METTL22: variants seen among roughly 807,000 people sequenced by gnomAD.
The protein encoded by METTL22 is methyltransferase 22, Kin17 lysine.
METTL22 carries 51 observed loss-of-function variants against 48.4 expected under a neutral mutation model. The observed-to-expected ratio is 1.05, with a 90% confidence interval of 0.84 to 1.33. METTL22 has a LOEUF of 1.33. Among genes scored for constraint, METTL22 ranks in the 40% most tolerant of loss-of-function variants. The pLI, the probability that METTL22 is intolerant of heterozygous loss-of-function variation, is 0.00. For missense variants in METTL22, 678 were observed against 526.9 expected (o/e 1.29, Z -2.81); for synonymous variants, 255 against 214.1 (o/e 1.19, Z -1.67).
chr16:8,640,679 T>C (rs1246508355), intron 6 of METTL22, among the ~76,000 whole-genome samples: 1 of 32,602 alleles, frequency 3.1e-5, no homozygotes, highest in Admixed American at 5.1e-4. Context: ...GGTGGGTGGA[T>C]GGATGGATGG....
Position 8,645,967 on chromosome 16 carries a change from G to A in METTL22, c.1180-141G>A, listed in dbSNP as rs189275986. On this transcript the variant is annotated intron_variant, in intron 10 of 10. Coordinates refer to ENST00000381920, the MANE Select transcript of METTL22 (RefSeq NM_024109.4). Reference sequence around the variant, plus strand: ...CAACAAAGAAAGGAGGAAGCCGCCCGTCCGCTCCTGCCCCAGCTCGCCTGC... The same window carrying A: ...CAACAAAGAAAGGAGGAAGCCGCCCATCCGCTCCTGCCCCAGCTCGCCTGC... 54 of 1,434,524 alleles carry A rather than the reference G, an allele frequency of 3.8e-5. No homozygotes were observed. In the East Asian group the frequency reaches 5.1e-4, roughly 14 times the overall value. The allele number at this position is 1,434,524 out of a possible 1,614,324, so 88.9% of individuals were successfully genotyped here.
rs1480386178 is a variant in METTL22 at position 8,647,404 on chromosome 16, C to T, written c.*1261C>T. On this transcript the variant is annotated 3_prime_UTR_variant, in exon 11 of 11. Coordinates refer to ENST00000381920, the MANE Select transcript of METTL22 (RefSeq NM_024109.4). ...TCTGGCAAACAGTAGATGCTCAACA[C>T]ATATTGTTGAATGAATTGCTAATGT... The T allele has an allele frequency of 2.0e-5, 3 of 152,258 alleles. No individual in the cohort carries two copies. The highest frequency in any genetic ancestry group is 6.5e-5 in the Admixed American group (1 of 15,284). The allele number at this position is 152,258 out of a possible 1,614,324, so 9.4% of individuals were successfully genotyped here.
At chr16:8,635,986 G>T (rs1381376047) in intron 5 of METTL22, among the ~76,000 whole-genome samples, 6 of 152,144 alleles carry the variant, frequency 3.9e-5, no homozygotes, top group Non-Finnish European at 5.9e-5. Context: ...TATATATTTA[G>T]GGGGTACAAG....
intron 3 of METTL22, chr16:8,631,673 A>G (rs538786641): frequency 6.6e-6 from 1 of 152,380 alleles, no homozygotes; most frequent in South Asian, 2.1e-4. Flanking sequence ...CAGTTTGCAA[A>G]TGAGATAAGA....
At chr16:8,631,207 TAAAGAA>T (rs761986128) in intron 3 of METTL22, 29 of 152,298 alleles carry the variant, frequency 1.9e-4, no homozygotes, top group Non-Finnish European at 3.8e-4. Flanking sequence ...CTGGTTTTTC[TAAAGAA>T]AAAGAAAAAT....
At chr16:8,665,434 C>T in the METTL22 span, among the ~76,000 whole-genome samples, 3 of 152,220 alleles carry the variant, frequency 2.0e-5, no homozygotes, top group African/African-American at 7.2e-5. Context: ...TGGCACCTTC[C>T]AGGCAAAGCC....
chr16:8,631,275 C>T (rs2056251683), intron 3 of METTL22: 1 of 152,144 alleles, frequency 6.6e-6, no homozygotes, highest in South Asian at 2.1e-4. Flanking sequence ...AAAAGTTTAT[C>T]CAGGGATCTG....
Position 8,637,950 on chromosome 16 carries a change from C to T in METTL22, c.701-1141C>T, listed in dbSNP as rs139686599. Among the ~76,000 whole-genome samples, 1,376 of 144,062 alleles carry T rather than the reference C, an allele frequency of 9.6e-3. 26 individuals carry two copies. The highest frequency in any genetic ancestry group is 0.034 in the African/African-American group (1,318 of 38,548). 94.5% of individuals were successfully genotyped at this position (144,062 alleles called of 152,430 possible). A position where few individuals can be genotyped will look rare whatever the true frequency, so the allele number is the denominator to read the frequency against. On this transcript the variant is annotated intron_variant, in intron 5 of 10. Coordinates refer to ENST00000381920, the MANE Select transcript of METTL22 (RefSeq NM_024109.4). Reference sequence around the variant, plus strand: ...GTCAGGAGTTTGAGAGCAGCTTGGCCAACACGGTGAAACCCCATCTGTACT... The same window carrying T: ...GTCAGGAGTTTGAGAGCAGCTTGGCTAACACGGTGAAACCCCATCTGTACT...
chr16:8,651,865 G>A (rs568556911), downstream of METTL22, among the ~76,000 whole-genome samples: 58 of 152,232 alleles, frequency 3.8e-4, 1 homozygote, highest in Middle Eastern at 0.024. Context: ...GGCCTTTTGG[G>A]GGATGGGGGA....
chr16:8,649,830 T>A (rs13335825), downstream of METTL22, among the ~76,000 whole-genome samples: 150,295 of 152,158 alleles, frequency 0.99, 74,258 homozygotes, highest in Middle Eastern at 1. Flanking sequence ...AAAAAAACCA[T>A]TAGTGAAACT....
chr16:8,657,820 C>CTTTTTTTTTTTTTT, the METTL22 span, among the ~76,000 whole-genome samples: 535 of 137,102 alleles, frequency 3.9e-3, 25 homozygotes, highest in African/African-American at 7.3e-3. Context: ...CTTTTCTTTT[C>CTTTTTTTTTTTTTT]TTTCTTTTTT....
chr16:8,658,717 G>T, the METTL22 span, among the ~76,000 whole-genome samples: 2 of 152,246 alleles, frequency 1.3e-5, no homozygotes, highest in South Asian at 4.1e-4. Flanking sequence ...TGGGAGGGCG[G>T]GGACTTGGCT....
At chr16:8,642,885 G>A in intron 9 of METTL22, 1 of 342,508 alleles carries the variant, frequency 2.9e-6, no homozygotes, top group Non-Finnish European at 5.5e-6. Flanking sequence ...CTCAACGCTT[G>A]GCCAGCACAC....
At chr16:8,655,528 C>G in the METTL22 span, among the ~76,000 whole-genome samples, 1 of 152,194 alleles carries the variant, frequency 6.6e-6, no homozygotes, top group South Asian at 2.1e-4. Context: ...CACTCCGTCA[C>G]TTTTGTCACA....
chr16:8,630,941 C>T (rs528086987), intron 3 of METTL22, among the ~76,000 whole-genome samples: 1 of 152,204 alleles, frequency 6.6e-6, no homozygotes, highest in Admixed American at 6.5e-5. Flanking sequence ...GGATTTTGAG[C>T]CCAGCTCCAT....
the METTL22 span, among the ~76,000 whole-genome samples, chr16:8,657,440 T>G: frequency 6.6e-6 from 1 of 152,198 alleles, no homozygotes; most frequent in African/African-American, 2.4e-5. Flanking sequence ...GGGCTGAAGT[T>G]TGCAAAACAC....
chr16:8,652,012 C>T (rs1223931848), downstream of METTL22, among the ~76,000 whole-genome samples: 1 of 152,118 alleles, frequency 6.6e-6, no homozygotes, highest in East Asian at 1.9e-4. Flanking sequence ...ACATGTATCC[C>T]AGAACTTAAA....
At chr16:8,642,880 C>A (rs964397458) in intron 9 of METTL22, 2 of 402,500 alleles carry the variant, frequency 5.0e-6, no homozygotes, top group East Asian at 8.8e-5. Context: ...GGAACCTCAA[C>A]GCTTGGCCAG....
At chr16:8,644,884 G>C in intron 10 of METTL22, 159 bp downstream of exon 10, 1 of 728,852 alleles carries the variant, frequency 1.4e-6, no homozygotes, top group East Asian at 3.2e-5. Flanking sequence ...AGTGGAACCT[G>C]TTGGGGGAGC....
Sources: gnomAD v4.1 joint callset for allele counts (sites outside exome capture counted in the v4.1 genomes callset) on GRCh38, gnomAD v4.1.1 for gene constraint, MANE v1.5 for transcripts, NCBI Gene and HGNC (gene_info 2026-07-23, HGNC 2026-07-21) for gene names.